The following CSNK1G1 variants were observed in gnomAD, a reference collection of about 807,000 sequenced individuals.
The protein encoded by CSNK1G1 is casein kinase 1 gamma 1.
CSNK1G1 carries 22 observed loss-of-function variants against 59.6 expected under a neutral mutation model. That is an observed-to-expected ratio of 0.37 (90% CI 0.26 to 0.53). The LOEUF (loss-of-function observed/expected upper bound fraction) is 0.53, where lower values mean the gene tolerates loss of function less well. Among genes scored for constraint, CSNK1G1 ranks in the 20% least tolerant of loss-of-function variants. The probability of loss-of-function intolerance (pLI) is 0.89; values close to 1 mark genes in which losing one functional copy is unlikely to be tolerated. For missense variants in CSNK1G1, 384 were observed against 519.5 expected (o/e 0.74, Z 2.54); for synonymous variants, 179 against 177.1 (o/e 1.01, Z -0.08).
At chr15:64,326,967 G>A (rs1231037114) in intron 1 of CSNK1G1, among the ~76,000 whole-genome samples, 3 of 150,656 alleles carry the variant, frequency 2.0e-5, no homozygotes, top group Admixed American at 1.3e-4. Flanking sequence ...TTTTCAGACC[G>A]GCTTAAAAAA....
At chr15:64,180,186 T>C (rs1288538218) in intron 11 of CSNK1G1, 162 bp downstream of exon 11, 4 of 585,258 alleles carry the variant, frequency 6.8e-6, no homozygotes, top group African/African-American at 1.9e-5. Context: ...AGAAGGGCAG[T>C]AGCAGCCTTA....
rs1317489134 is a variant in CSNK1G1, at chr15:64,166,180, G to A, written c.*5751C>T. 8.7e-6 allele frequency: 4 copies of A among 459,868 alleles called. No individual in the cohort carries two copies. Among genetic ancestry groups the A allele is most frequent in the South Asian group, 4.2e-5 (1 of 23,592 alleles). 28.5% of individuals were successfully genotyped at this position (459,868 alleles called of 1,614,324 possible). A position where few individuals can be genotyped will look rare whatever the true frequency, so the allele number is the denominator to read the frequency against. On this transcript the variant is annotated 3_prime_UTR_variant, in exon 12 of 12. Transcript: ENST00000303052. The surrounding 1 kb of genome is among the most constrained non-coding windows in gnomAD (Gnocchi z 4.5). ...CTGCTGATTTATACATTATCTAGTT[G>A]TTTAAAAATCGCAATCAACATCCCA...
At chr15:64,322,390 C>A (rs1312128493) in intron 1 of CSNK1G1, among the ~76,000 whole-genome samples, 1 of 152,006 alleles carries the variant, frequency 6.6e-6, no homozygotes, top group East Asian at 2.0e-4. Context: ...ACTACATTGC[C>A]CAAGGTCTTA....
chr15:64,300,105 T>G (rs778194713), intron 2 of CSNK1G1, among the ~76,000 whole-genome samples: 2 of 152,128 alleles, frequency 1.3e-5, no homozygotes, highest in Non-Finnish European at 2.9e-5. Flanking sequence ...GGTAGAAAAC[T>G]TAAAAGCCCA....
At chr15:64,198,318 G>A (rs2082062779) in intron 10 of CSNK1G1, among the ~76,000 whole-genome samples, 1 of 148,542 alleles carries the variant, frequency 6.7e-6, no homozygotes, top group Non-Finnish European at 1.5e-5. Flanking sequence ...CAATTCTCCT[G>A]CCTCAGCCTC....
intron 2 of CSNK1G1, among the ~76,000 whole-genome samples, chr15:64,294,367 C>T (rs1474912846): frequency 6.6e-6 from 1 of 152,078 alleles, no homozygotes; most frequent in African/African-American, 2.4e-5. Flanking sequence ...AGGCACCACG[C>T]CCAGCCATAA....
At chr15:64,204,738 A>T in intron 8 of CSNK1G1, 127 bp downstream of exon 8, 1 of 1,158,950 alleles carries the variant, frequency 8.6e-7, no homozygotes, top group Non-Finnish European at 1.3e-6. Flanking sequence ...GATAAAACCT[A>T]CTTTGGTCTG....
chr15:64,317,623 A>C (rs1282180650), intron 1 of CSNK1G1, among the ~76,000 whole-genome samples: 1 of 151,756 alleles, frequency 6.6e-6, no homozygotes, highest in East Asian at 1.9e-4. Context: ...AGGATGGCCC[A>C]GGATGGCTGG....
chr15:64,219,996 T>G (rs1221444447), intron 4 of CSNK1G1, among the ~76,000 whole-genome samples: 1 of 151,982 alleles, frequency 6.6e-6, no homozygotes, highest in African/African-American at 2.4e-5. Flanking sequence ...ATAGTCTCGA[T>G]CTCCTGACCT....
At chr15:64,282,217 T>C (rs2140369468) in intron 2 of CSNK1G1, among the ~76,000 whole-genome samples, 1 of 152,192 alleles carries the variant, frequency 6.6e-6, no homozygotes, top group South Asian at 2.1e-4. Context: ...GCATGAACCA[T>C]CATGCCCAGC....
chr15:64,189,411 T>C, intron 10 of CSNK1G1: 4 of 1,287,304 alleles, frequency 3.1e-6, no homozygotes, highest in Non-Finnish European at 3.0e-6. Context: ...TCTGTTTAGG[T>C]GCCTCTTCCC....
intron 1 of CSNK1G1, among the ~76,000 whole-genome samples, chr15:64,311,398 T>C (rs1221363142): frequency 5.3e-5 from 8 of 152,272 alleles, no homozygotes; most frequent in Admixed American, 3.3e-4. Flanking sequence ...TAAAGAATAA[T>C]AGCAATTACA....
At chr15:64,240,870 C>A (rs1302766329) in intron 4 of CSNK1G1, among the ~76,000 whole-genome samples, 1 of 151,834 alleles carries the variant, frequency 6.6e-6, no homozygotes, top group African/African-American at 2.4e-5. Context: ...AAAGCAGATA[C>A]ACAAAGGAGA....
At chr15:64,184,025 C>T (rs8034549) in intron 10 of CSNK1G1, among the ~76,000 whole-genome samples, 29,293 of 152,014 alleles carry the variant, frequency 0.19, 3,896 homozygotes, top group African/African-American at 0.38. Context: ...ACTTTATGGC[C>T]GGGTGCAGTG....
chr15:64,228,765 G>A (rs970952042), intron 4 of CSNK1G1, among the ~76,000 whole-genome samples: 3 of 151,978 alleles, frequency 2.0e-5, no homozygotes, highest in Non-Finnish European at 2.9e-5. Flanking sequence ...CCCATAATCC[G>A]AACAGTCTGG....
intron 10 of CSNK1G1, among the ~76,000 whole-genome samples, chr15:64,190,847 T>C (rs891824736): frequency 2.0e-5 from 3 of 152,238 alleles, no homozygotes; most frequent in African/African-American, 4.8e-5. Context: ...CTATCAGTGA[T>C]AGACTTTTTC....
chr15:64,254,038 G>A (rs527834114), intron 3 of CSNK1G1, among the ~76,000 whole-genome samples: 1 of 152,264 alleles, frequency 6.6e-6, no homozygotes, highest in South Asian at 2.1e-4. Context: ...TACTCAGGAG[G>A]CTGAGGCAGG....
At chr15:64,310,184 T>C (rs529050004) in intron 1 of CSNK1G1, among the ~76,000 whole-genome samples, 2 of 152,212 alleles carry the variant, frequency 1.3e-5, no homozygotes, top group East Asian at 3.9e-4. Context: ...CTTTCTGGAA[T>C]TGTCAATAGT....
chr15:64,217,476 A>C (rs2082326974), intron 4 of CSNK1G1, among the ~76,000 whole-genome samples: 1 of 152,216 alleles, frequency 6.6e-6, no homozygotes, highest in African/African-American at 2.4e-5. Context: ...TGTAAATATG[A>C]GGCATTCACT....
Sources: allele counts gnomAD v4.1 joint callset (sites outside exome capture counted in the v4.1 genomes callset), GRCh38; gene constraint gnomAD v4.1.1; non-coding constraint Gnocchi (gnomAD v3.1); transcripts MANE v1.5; gene names NCBI Gene and HGNC (gene_info 2026-07-23, HGNC 2026-07-21).